The following NALCN variants were observed in gnomAD, a reference collection of about 807,000 sequenced individuals.
NALCN encodes the protein sodium leak channel, non-selective, also known as sodium leak channel NALCN.
Under a neutral mutation model 225.3 loss-of-function variants are expected in NALCN, and 111 were observed. The ratio of observed to expected loss-of-function variants is 0.49; its 90% confidence interval spans 0.42 to 0.58. The LOEUF (loss-of-function observed/expected upper bound fraction) is 0.58. NALCN is among the 20% of genes least tolerant of loss of function. The pLI is 0.00. For synonymous variants in NALCN, 764 were observed against 769.0 expected, an observed-to-expected ratio of 0.99 and a Z score of 0.11; for missense variants, 1,378 against 2,202.4, an observed-to-expected ratio of 0.63 and a Z score of 7.49.
intron 1 of NALCN, among the ~76,000 whole-genome samples, chr13:101,403,813 T>C (rs1048608916): frequency 1.3e-5 from 2 of 152,118 alleles, no homozygotes; most frequent in South Asian, 2.1e-4. Context: ...TAATGGTGGG[T>C]TTTTATCTCT....
At position 101,292,470 on chromosome 13, in the gene NALCN, G is replaced by A; in HGVS notation, c.800-104C>T. 1.7e-6 allele frequency: 2 copies of A among 1,207,210 alleles called. No individual in the cohort carries two copies. Among genetic ancestry groups the A allele is most frequent in the South Asian group, 1.7e-5 (1 of 57,298 alleles). 74.8% of individuals were successfully genotyped at this position (1,207,210 alleles called of 1,614,324 possible). A position where few individuals can be genotyped will look rare whatever the true frequency, so the allele number is the denominator to read the frequency against. The stretch of plus-strand genomic sequence containing the variant: ...ATTTATCCATACTTATTTTCTCAAT[G>A]ACAAAAGTGCTTCAAAAATTGATTA... On this transcript the variant is annotated intron_variant, in intron 7 of 43. Coordinates refer to ENST00000251127, the MANE Select transcript of NALCN (RefSeq NM_052867.4). The surrounding 1 kb of genome is among the most constrained non-coding windows in gnomAD (Gnocchi z 4.3).
intron 11 of NALCN, among the ~76,000 whole-genome samples, chr13:101,251,384 C>A (rs2042057141): frequency 6.6e-6 from 1 of 151,938 alleles, no homozygotes; most frequent in South Asian, 2.1e-4. Flanking sequence ...GAATATAGTT[C>A]TCTGTGGATT....
intron 13 of NALCN, among the ~76,000 whole-genome samples, chr13:101,198,841 T>TAAA (rs2039995567): frequency 1.3e-5 from 2 of 152,156 alleles, no homozygotes; most frequent in African/African-American, 4.8e-5. Context: ...CACATGCATA[T>TAAA]GTATGTTTAT....
chr13:101,383,390 C>A (rs1380207314), intron 3 of NALCN, among the ~76,000 whole-genome samples: 1 of 151,658 alleles, frequency 6.6e-6, no homozygotes, highest in African/African-American at 2.4e-5. Flanking sequence ...TGAACGTATT[C>A]TCTGGAGTTA....
intron 28 of NALCN, among the ~76,000 whole-genome samples, chr13:101,094,566 G>A (rs910605048): frequency 3.3e-5 from 5 of 151,942 alleles, no homozygotes; most frequent in African/African-American, 4.8e-5. Context: ...GAAATTGGAC[G>A]GCTTTTCTAG....
chr13:101,411,639 C>T (rs1039071247), intron 1 of NALCN, among the ~76,000 whole-genome samples: 3 of 152,140 alleles, frequency 2.0e-5, no homozygotes, highest in South Asian at 2.1e-4. Context: ...TGAGCCACCG[C>T]GCCCGGCCAG....
At chr13:101,174,183 C>T (rs1419302278) in intron 15 of NALCN, among the ~76,000 whole-genome samples, 4 of 152,086 alleles carry the variant, frequency 2.6e-5, no homozygotes, top group Non-Finnish European at 4.4e-5. Flanking sequence ...TTAATAGATA[C>T]ATAGTTTCAG....
chr13:101,058,244 G>T (rs12584362), intron 42 of NALCN, 188 bp from the exon 43 acceptor site: 2 of 572,156 alleles, frequency 3.5e-6, no homozygotes, highest in Non-Finnish European at 3.1e-6. Context: ...ACCACTGCAC[G>T]CCCTGCTGAA....
chr13:101,152,299 A>C lies in NALCN; in HGVS notation c.1840-7403T>G, dbSNP rs369633544. On this transcript the variant is annotated intron_variant, in intron 15 of 43. Transcript: ENST00000251127. ...ATTCGTCCAAGCAGCATGTCCCTTAAGTAAGTATGAAGAGAAGCTCTGTTT... is the reference window on the plus strand; with the variant it reads ...ATTCGTCCAAGCAGCATGTCCCTTACGTAAGTATGAAGAGAAGCTCTGTTT... 1.2e-4 allele frequency among the ~76,000 whole-genome samples: 18 copies of C among 152,296 alleles called. No homozygotes were observed. The East Asian group carries it at 3.3e-3, about 28-fold the overall frequency.
intron 15 of NALCN, among the ~76,000 whole-genome samples, chr13:101,146,856 A>G (rs2037373267): frequency 6.6e-6 from 1 of 152,160 alleles, no homozygotes; most frequent in Non-Finnish European, 1.5e-5. Flanking sequence ...AGACAATGAT[A>G]ATAAAATAGA....
At chr13:101,296,534 T>C (rs988493152) in intron 7 of NALCN, among the ~76,000 whole-genome samples, 2 of 152,200 alleles carry the variant, frequency 1.3e-5, no homozygotes, top group Admixed American at 6.5e-5. Context: ...AGGAAGAACA[T>C]TGATACATTT....
chr13:101,248,417 G>A (rs1041512650), intron 11 of NALCN, among the ~76,000 whole-genome samples: 1 of 152,122 alleles, frequency 6.6e-6, no homozygotes, highest in Admixed American at 6.5e-5. Flanking sequence ...CAAGTTCCTG[G>A]GAAGTAGCCT....
chr13:101,231,064 T>C (rs2140137493), intron 12 of NALCN, among the ~76,000 whole-genome samples: 1 of 152,288 alleles, frequency 6.6e-6, no homozygotes, highest in African/African-American at 2.4e-5. Flanking sequence ...CCATACCATA[T>C]AGCCTAGGTA....
chr13:101,258,506 C>T lies in NALCN; in HGVS notation c.1203G>A (p.Ala401=), dbSNP rs372294410. The change falls in exon 11 of 44, where the codon GCG becomes GCA. Residue 401 remains alanine (A), a synonymous_variant. Coordinates refer to ENST00000251127, the MANE Select transcript of NALCN (RefSeq NM_052867.4). ...TTTCTCCTTTGTAGTAGTTGCTAGC[C>T]GCCACGATCACGTCCACGGTCACCA... The part of the protein sequence containing the change: ...LSMVTVDVIV[A]ASNYYKGENF... 1.4e-5 allele frequency: 23 copies of T among 1,613,990 alleles called. No individual in the cohort carries two copies. The highest frequency in any genetic ancestry group is 3.3e-5 in the Admixed American group (2 of 59,998).
In NALCN at chr13:101,081,599, G is replaced by A. The variant is rs1317150331; in HGVS notation, c.3813C>T (p.Ser1271=). 2 of 1,614,008 alleles carry A rather than the reference G, an allele frequency of 1.2e-6. No individual in the cohort carries two copies. Among genetic ancestry groups the A allele is most frequent in the Non-Finnish European group, 1.7e-6 (2 of 1,180,020 alleles). ...IAMSPAGFWQ[S]RRNRYDLLVT... ...CCAGGAGATCGTATCGGTTTCTTCT[G>A]CTTTGCCAGAAGCCAGCAGGCGACA... is the stretch of plus-strand genomic sequence containing the variant. The change falls in exon 34 of 44, where the codon AGC becomes AGT. Residue 1271 remains serine, a synonymous_variant. Transcript: ENST00000251127.
chr13:101,395,270 C>A lies in NALCN; in HGVS notation c.204G>T (p.Gln68His), dbSNP rs1381112932. The A allele has an allele frequency of 1.9e-6, 3 of 1,614,056 alleles. No homozygotes were observed. Among genetic ancestry groups the A allele is most frequent in the East Asian group, 2.2e-5 (1 of 44,868 alleles). The change falls in exon 3 of 44, where the codon CAG (glutamine) becomes CAT (histidine). Residue 68 changes from glutamine (Q) to histidine (H), a missense_variant. Transcript: ENST00000251127. ...ATGTATCCAAAGTGAAGGTCACATA[C>A]TGAAGTGGAGGATAGTGCTCGAAGG... ...PMTFEHYPPL[Q>H]YVTFTLDTLL... is the part of the protein sequence containing the mutation.
At chr13:101,341,868 G>T (rs1209104143) in intron 7 of NALCN, among the ~76,000 whole-genome samples, 1 of 152,162 alleles carries the variant, frequency 6.6e-6, no homozygotes, top group African/African-American at 2.4e-5. Flanking sequence ...TGAAGGTGGA[G>T]CCCACATTAA....
chr13:101,066,517 G>A (rs966099847), intron 39 of NALCN, among the ~76,000 whole-genome samples: 11 of 151,940 alleles, frequency 7.2e-5, no homozygotes, highest in Admixed American at 2.0e-4. Context: ...AGTGCTGGGC[G>A]GAACACTGGC....
chr13:101,385,196 T>C (rs981739361), intron 3 of NALCN, among the ~76,000 whole-genome samples: 1 of 152,182 alleles, frequency 6.6e-6, no homozygotes, highest in African/African-American at 2.4e-5. Context: ...GAGCTCGGCA[T>C]GTACCTTGCT....
Sources: allele counts gnomAD v4.1 joint callset (sites outside exome capture counted in the v4.1 genomes callset), GRCh38; gene constraint gnomAD v4.1.1; non-coding constraint Gnocchi (gnomAD v3.1); transcripts MANE v1.5; gene names NCBI Gene and HGNC (gene_info 2026-07-23, HGNC 2026-07-21).